BMS1: variants seen among roughly 807,000 people sequenced by gnomAD.
BMS1 encodes BMS1 ribosome biogenesis factor, also known as ribosome biogenesis protein BMS1 homolog.
BMS1 carries 53 observed loss-of-function variants against 138.7 expected under a neutral mutation model. That is an observed-to-expected ratio of 0.38 (90% CI 0.31 to 0.48). The LOEUF is 0.48. BMS1 is among the 20% of genes least tolerant of loss of function. The pLI is 0.97. For missense variants in BMS1, 1,360 were observed against 1,565.5 expected, an observed-to-expected ratio of 0.87 and a Z score of 2.22; for synonymous variants, 504 against 539.9, an observed-to-expected ratio of 0.93 and a Z score of 0.92.
intron 15 of BMS1, among the ~76,000 whole-genome samples, chr10:42,819,165 A>G (rs1232757576): frequency 6.6e-6 from 1 of 152,190 alleles, no homozygotes; most frequent in African/African-American, 2.4e-5. Flanking sequence ...TTGAGATAAG[A>G]GAGAGAACAG....
chr10:42,826,389 A>C (rs545508239), intron 21 of BMS1, among the ~76,000 whole-genome samples: 151 of 152,102 alleles, frequency 9.9e-4, no homozygotes, highest in African/African-American at 3.5e-3. Context: ...CTCCCAGGGG[A>C]TGGGAGTGAC....
intron 4 of BMS1, among the ~76,000 whole-genome samples, chr10:42,788,866 AC>A (rs1841419577): frequency 6.6e-6 from 1 of 152,334 alleles, no homozygotes; most frequent in East Asian, 1.9e-4. Context: ...CCCTTTAAAA[AC>A]AAATGGTAGC....
At chr10:42,794,788 GT>G (rs1191055376) in intron 9 of BMS1, among the ~76,000 whole-genome samples, 4 of 146,372 alleles carry the variant, frequency 2.7e-5, no homozygotes, top group African/African-American at 1.0e-4. Flanking sequence ...TATACTTTAA[GT>G]TTTAGGGTAC....
rs1842794566 is a variant in BMS1 at position 42,831,246 on chromosome 10, G to A, written c.*150G>A. On this transcript the variant is annotated 3_prime_UTR_variant, in exon 23 of 23. Coordinates refer to ENST00000374518, the MANE Select transcript of BMS1 (RefSeq NM_014753.4). The stretch of plus-strand genomic sequence containing the variant: ...TGCCTGCAGGAGGAGGAACAGAGAA[G>A]CCTGGGCTGCTGGGACTGGGTTCAT... 3.6e-6 allele frequency: 3 copies of A among 826,152 alleles called. No homozygotes were observed. Among genetic ancestry groups the A allele is most frequent in the Non-Finnish European group, 5.6e-6 (3 of 534,058 alleles). 51.2% of individuals were successfully genotyped at this position (826,152 alleles called of 1,614,324 possible).
At chr10:42,788,988 A>G (rs575458610) in intron 4 of BMS1, among the ~76,000 whole-genome samples, 50 of 152,282 alleles carry the variant, frequency 3.3e-4, no homozygotes, top group African/African-American at 1.1e-3. Flanking sequence ...ATTCCATTCT[A>G]TGGAGGCACC....
chr10:42,787,021 T>G, intron 3 of BMS1, 147 bp from the exon 4 acceptor site: 1 of 652,012 alleles, frequency 1.5e-6, no homozygotes. Flanking sequence ...TTTATCAGTT[T>G]TTGCCTGTAA....
chr10:42,830,996 G>A lies in BMS1; in HGVS notation c.3749G>A (p.Arg1250Gln), dbSNP rs369377766. 6.5e-5 allele frequency: 104 copies of A among 1,604,538 alleles called. No individual in the cohort carries two copies. Among genetic ancestry groups the A allele is most frequent in the African/African-American group, 6.0e-4 (45 of 74,854 alleles). Residue 1250 changes from arginine (R) to glutamine (Q), a missense_variant, in exon 23 of 23, where the codon CGG (arginine) becomes CAG (glutamine). Physicochemically the swap from Arg to Gln is conservative, Grantham distance 43. This residue lies in a region of BMS1 where 425 missense variants were observed against 568.3 expected (regional missense o/e 0.75). Transcript: ENST00000374518. Reference sequence around the variant, plus strand: ...AAGGAGGAGGAGGAGAAGCTGAAGCGGCAGAAGGACCTCAGGAAGAAGCTC... The same window carrying A: ...AAGGAGGAGGAGGAGAAGCTGAAGCAGCAGAAGGACCTCAGGAAGAAGCTC... ...KQKEEEEKLK[R>Q]QKDLRKKLFR...
rs530010632 is a variant in BMS1, at chr10:42,796,672, G to A, written c.1428G>A (p.Gln476=). 2.5e-6 allele frequency: 4 copies of A among 1,614,186 alleles called. No homozygotes were observed. The South Asian group carries it at 4.4e-5, about 18-fold the overall frequency. The change falls in exon 10 of 23, where the codon CAG becomes CAA. Residue 476 remains glutamine, a synonymous_variant. Transcript: ENST00000374518. ...AGGAAAATGCTGAGATGACTGATCAGTATATGGCTGTTAAGGGCATCAAAC... is the reference window on the plus strand; with the variant it reads ...AGGAAAATGCTGAGATGACTGATCAATATATGGCTGTTAAGGGCATCAAAC... ...EEEENAEMTD[Q]YMAVKGIKRR...
chr10:42,812,787 G>A (rs1842221758), intron 13 of BMS1, among the ~76,000 whole-genome samples: 2 of 152,228 alleles, frequency 1.3e-5, no homozygotes, highest in African/African-American at 4.8e-5. Context: ...AATGGTTCCT[G>A]AGGGGGAATG....
At chr10:42,812,730 GC>G (rs1433803218) in intron 13 of BMS1, among the ~76,000 whole-genome samples, 1 of 152,216 alleles carries the variant, frequency 6.6e-6, no homozygotes, top group African/African-American at 2.4e-5. Flanking sequence ...AGGGCTGGGG[GC>G]TGAGGAAGGA....
intron 3 of BMS1, among the ~76,000 whole-genome samples, chr10:42,785,969 C>A (rs371187811): frequency 6.0e-4 from 92 of 152,306 alleles, no homozygotes; most frequent in African/African-American, 2.0e-3. Flanking sequence ...GCGACACCAG[C>A]CACAGTCCTC....
At chr10:42,809,377 G>GT (rs1307835080) in intron 13 of BMS1, among the ~76,000 whole-genome samples, 2 of 151,222 alleles carry the variant, frequency 1.3e-5, no homozygotes, top group Admixed American at 1.3e-4. Flanking sequence ...TAGAGACAGT[G>GT]TTATTTCTTT....
rs113305090 is a variant in BMS1, at chr10:42,809,809, A to G, written c.2330-6790A>G. 3.4e-3 allele frequency among the ~76,000 whole-genome samples: 523 copies of G among 152,122 alleles called. 2 individuals carry two copies. Among genetic ancestry groups the G allele is most frequent in the African/African-American group, 0.012 (497 of 41,482 alleles). On this transcript the variant is annotated intron_variant, in intron 13 of 22. Transcript: ENST00000374518. Reference sequence around the variant, plus strand: ...CACTGATCCTTTTATTTTTTGAGACATGGTCTTCCTCTGTCACCCAGGCTG... The same window carrying G: ...CACTGATCCTTTTATTTTTTGAGACGTGGTCTTCCTCTGTCACCCAGGCTG...
chr10:42,817,640 A>G, intron 15 of BMS1, 146 bp downstream of exon 15: 1 of 727,448 alleles, frequency 1.4e-6, no homozygotes. Context: ...GTAGAGATGC[A>G]TGTGAGTGTG....
At chr10:42,822,216 A>G (rs769148201) in intron 19 of BMS1, 32 bp downstream of exon 19, 11 of 1,194,630 alleles carry the variant, frequency 9.2e-6, no homozygotes, top group African/African-American at 1.5e-5. Flanking sequence ...CATATTTATA[A>G]ATGTCCATAT....
rs748647303 is a variant in BMS1 at position 42,832,644 on chromosome 10, CTG to C, written c.*1550_*1551del. ...GAGAGGCTCTCTAAAAGCCTAAAGTCTGTAGGCAGGTGCTCAGCTTTGTATCT... is the reference window on the plus strand; with the variant it reads ...GAGAGGCTCTCTAAAAGCCTAAAGTCTAGGCAGGTGCTCAGCTTTGTATCT... On this transcript the variant is annotated 3_prime_UTR_variant, in exon 23 of 23. Transcript: ENST00000374518. The C allele has an allele frequency of 9.9e-5, 15 of 152,070 alleles. No homozygotes were observed. The highest frequency in any genetic ancestry group is 1.9e-4 in the Non-Finnish European group (13 of 68,028). The allele number at this position is 152,070 out of a possible 1,614,324, so 9.4% of individuals were successfully genotyped here. A position where few individuals can be genotyped will look rare whatever the true frequency, so the allele number is the denominator to read the frequency against.
chr10:42,825,767 T>C (rs1303041490), intron 21 of BMS1, among the ~76,000 whole-genome samples: 2 of 152,064 alleles, frequency 1.3e-5, no homozygotes, highest in African/African-American at 4.8e-5. Flanking sequence ...TTTAGTTGCC[T>C]TTTTTTTCTC....
chr10:42,828,020 G>C (rs1315898758), intron 21 of BMS1, among the ~76,000 whole-genome samples: 1 of 152,150 alleles, frequency 6.6e-6, no homozygotes. Context: ...AAATGTTAAT[G>C]TACATACAGA....
chr10:42,790,454 G>A lies in BMS1; in HGVS notation c.579G>A (p.Lys193=), dbSNP rs1438501067. The change falls in exon 5 of 23, where the codon AAG becomes AAA. Residue 193 remains lysine, a synonymous_variant. Transcript: ENST00000374518. ...ACCTCGACTCCTTCAAGCATAATAA[G>A]CAACTGAAGAAGACAAAGAAGCGAT... is the stretch of plus-strand genomic sequence containing the variant. The part of the protein sequence containing the change: ...LTHLDSFKHN[K]QLKKTKKRLK... 1.9e-6 allele frequency: 3 copies of A among 1,613,956 alleles called. No individual in the cohort carries two copies. The highest frequency in any genetic ancestry group is 1.7e-6 in the Non-Finnish European group (2 of 1,179,854).
Sources: gnomAD v4.1 joint callset for allele counts (sites outside exome capture counted in the v4.1 genomes callset) on GRCh38, gnomAD v4.1.1 for gene constraint, gnomAD v4.1.1 regional missense constraint, MANE v1.5 for transcripts, NCBI Gene and HGNC (gene_info 2026-07-23, HGNC 2026-07-21) for gene names.